The following SLCO1A2 variants were observed in gnomAD, a reference collection of about 807,000 sequenced individuals.
SLCO1A2 encodes solute carrier organic anion transporter family member 1A2.
In SLCO1A2, 67 loss-of-function variants were observed where a neutral mutation model predicts 69.0. That is an observed-to-expected ratio of 0.97 (90% confidence interval 0.80 to 1.19). The LOEUF (loss-of-function observed/expected upper bound fraction) is 1.19. Among genes scored for constraint, SLCO1A2 ranks in the 50% most tolerant of loss-of-function variants. The pLI is 0.00. For synonymous variants in SLCO1A2, 260 were observed against 265.9 expected (o/e 0.98, Z 0.22); for missense variants, 787 against 793.7 (o/e 0.99, Z 0.10).
chr12:21,269,571 C>T lies in SLCO1A2; in HGVS notation c.1990G>A (p.Asp664Asn), dbSNP rs1942415988. ...AATTACAATTTAGTTTTCAATTCAT[C>T]ATCTTTCAAAACCGTGGACTTTTGG... ...IYQKSTVLKD[D>N]ELKTKL Residue 664 changes from aspartate (D) to asparagine (N), a missense_variant, in exon 15 of 15, where the codon GAT (aspartate) becomes AAT (asparagine). Physicochemically the swap from Asp to Asn is conservative, Grantham distance 23 (BLOSUM62 1). Transcript: ENST00000683939. The T allele has an allele frequency of 6.2e-7, 1 of 1,611,026 alleles. No homozygotes were observed. The highest frequency in any genetic ancestry group is 1.1e-5 in the South Asian group (1 of 90,806).
intron 5 of SLCO1A2, 102 bp downstream of exon 5, chr12:21,306,780 G>T: frequency 2.9e-6 from 2 of 680,616 alleles, no homozygotes; most frequent in Admixed American, 2.6e-5. Context: ...ACATATCTTT[G>T]TTTATTTATC....
rs538665868 is a variant in SLCO1A2, at chr12:21,385,045, G to A, written c.-190+9861C>T. Among the ~76,000 whole-genome samples the A allele has an allele frequency of 1.6e-4, 24 of 152,244 alleles. No homozygotes were observed. In the South Asian group the frequency reaches 4.8e-3, roughly 30 times the overall value. On this transcript the variant is annotated intron_variant, in intron 1 of 15. Transcript: ENST00000307378. ...CTCCCAAAGTGCTGGGATTACAGGC[G>A]TGAACCACTTCGCCCGGCCAGATTT... is the stretch of plus-strand genomic sequence containing the variant.
intron 2 of SLCO1A2, among the ~76,000 whole-genome samples, chr12:21,344,033 A>G (rs992497628): frequency 6.6e-6 from 1 of 152,132 alleles, no homozygotes; most frequent in African/African-American, 2.4e-5. Context: ...TAAATATGAT[A>G]AAATTACTGA....
chr12:21,416,004 A>G (rs550939637), intron 1 of SLCO1A2, among the ~76,000 whole-genome samples: 6 of 152,228 alleles, frequency 3.9e-5, no homozygotes, highest in South Asian at 2.1e-4. Context: ...TGTGTTCATT[A>G]TGCAATTACT....
At chr12:21,286,793 A>G in intron 12 of SLCO1A2, among the ~76,000 whole-genome samples, 1 of 122,350 alleles carries the variant, frequency 8.2e-6, no homozygotes, top group Admixed American at 8.4e-5. Flanking sequence ...GTGCTGGGAA[A>G]ACTGGCTAGC....
intron 2 of SLCO1A2, among the ~76,000 whole-genome samples, chr12:21,359,603 C>T (rs1337833979): frequency 6.6e-6 from 1 of 152,100 alleles, no homozygotes; most frequent in Non-Finnish European, 1.5e-5. Flanking sequence ...TCTAATTAGC[C>T]AGGCATGGTG....
rs1229200829 is a variant in SLCO1A2, at chr12:21,334,616, T to C, written c.32A>G (p.His11Arg). Residue 11 changes from histidine (H) to arginine (R), a missense_variant, in exon 2 of 15, where the codon CAT (histidine) becomes CGT (arginine). Transcript: ENST00000683939. ...CAACTTGGAAAGACATCTTATTCTA[T>C]GGGTTTCAATTCTTTTCTCAGTTTC... MGETEKRIET[H>R]RIRCLSKLKM... 1.2e-6 allele frequency: 2 copies of C among 1,610,844 alleles called. No homozygotes were observed. Among genetic ancestry groups the C allele is most frequent in the Non-Finnish European group, 8.5e-7 (1 of 1,178,072 alleles).
intron 2 of SLCO1A2, among the ~76,000 whole-genome samples, chr12:21,360,357 A>C (rs1938738445): frequency 6.6e-6 from 1 of 152,246 alleles, no homozygotes; most frequent in South Asian, 2.1e-4. Context: ...CCAATATAAA[A>C]ATAAATAAAT....
At chr12:21,397,091 A>T (rs1425204064), upstream of SLCO1A2, among the ~76,000 whole-genome samples, 19 of 152,154 alleles carry the variant, frequency 1.2e-4, no homozygotes, top group South Asian at 2.1e-4. Flanking sequence ...TTGGATAAAG[A>T]GTCAAGACCC....
At chr12:21,353,107 T>C (rs991118222) in intron 2 of SLCO1A2, among the ~76,000 whole-genome samples, 4 of 152,202 alleles carry the variant, frequency 2.6e-5, no homozygotes, top group Non-Finnish European at 4.4e-5. Context: ...CTATACACAT[T>C]ACTGCTTAAA....
intron 2 of SLCO1A2, among the ~76,000 whole-genome samples, chr12:21,367,814 A>G (rs1023701741): frequency 6.6e-6 from 1 of 152,122 alleles, no homozygotes; most frequent in Non-Finnish European, 1.5e-5. Context: ...AATATGAAAA[A>G]GACAAAGGAA....
rs914349708 is a variant in SLCO1A2 at position 21,334,892 on chromosome 12, T to C, written c.-128A>G. ...AGAAGATTTAGTTGTTGGTTTTCTATTTCAAAAGGTACATCAAATAACTTT... is the reference window on the plus strand; with the variant it reads ...AGAAGATTTAGTTGTTGGTTTTCTACTTCAAAAGGTACATCAAATAACTTT... On this transcript the variant is annotated 5_prime_UTR_variant, in exon 1 of 15. Transcript: ENST00000683939. 2.5e-6 allele frequency: 1 copy of C among 395,240 alleles called. No individual in the cohort carries two copies. The highest frequency in any genetic ancestry group is 4.5e-6 in the Non-Finnish European group (1 of 222,998). The allele number at this position is 395,240 out of a possible 1,614,324, so 24.5% of individuals were successfully genotyped here. A position where few individuals can be genotyped will look rare whatever the true frequency, so the allele number is the denominator to read the frequency against.
In SLCO1A2 at chr12:21,361,127, G is replaced by A. The variant is rs564392799; in HGVS notation, c.-63+13272C>T. Among the ~76,000 whole-genome samples the A allele has an allele frequency of 5.3e-5, 8 of 151,794 alleles. No individual in the cohort carries two copies. In the East Asian group the frequency reaches 1.2e-3, roughly 22 times the overall value. On this transcript the variant is annotated intron_variant, in intron 2 of 15. Transcript: ENST00000307378. ...GACCCCTGAGTAGCCTAACTGGGAG[G>A]CACCTCCCAGTAGGGGCCGACAGAC...
intron 12 of SLCO1A2, among the ~76,000 whole-genome samples, chr12:21,286,339 A>T (rs1945788683): frequency 6.8e-6 from 1 of 147,684 alleles, no homozygotes; most frequent in Non-Finnish European, 1.5e-5. Context: ...ACTACAAACC[A>T]CTGCTCAAGG....
intron 12 of SLCO1A2, among the ~76,000 whole-genome samples, chr12:21,283,554 A>G (rs1002362179): frequency 7.5e-6 from 1 of 132,802 alleles, no homozygotes; most frequent in Non-Finnish European, 1.5e-5. Context: ...ATAACTAATG[A>G]AAAAAAAATG....
At chr12:21,406,389 T>A (rs1021030567) in intron 1 of SLCO1A2, among the ~76,000 whole-genome samples, 2 of 152,216 alleles carry the variant, frequency 1.3e-5, no homozygotes, top group Admixed American at 1.3e-4. Flanking sequence ...TGAAGCTCTA[T>A]GGACAAAACC....
intron 12 of SLCO1A2, among the ~76,000 whole-genome samples, chr12:21,282,938 A>C (rs1025889039): frequency 6.6e-6 from 1 of 152,066 alleles, no homozygotes; most frequent in South Asian, 2.1e-4. Flanking sequence ...ATACAAATAA[A>C]TGAAAATATA....
intron 1 of SLCO1A2, among the ~76,000 whole-genome samples, chr12:21,413,240 T>TTTTTC (rs1941939179): frequency 8.1e-6 from 1 of 124,160 alleles, no homozygotes; most frequent in African/African-American, 3.1e-5. Flanking sequence ...TCTTTTTCTT[T>TTTTTC]TTTTTTTTTT....
At chr12:21,298,561 A>T (rs1053537729) in intron 8 of SLCO1A2, among the ~76,000 whole-genome samples, 1 of 152,216 alleles carries the variant, frequency 6.6e-6, no homozygotes, top group Non-Finnish European at 1.5e-5. Flanking sequence ...GGACACACAG[A>T]TTAATGCAAG....
Sources: allele counts gnomAD v4.1 joint callset (sites outside exome capture counted in the v4.1 genomes callset), GRCh38; gene constraint gnomAD v4.1.1; transcripts MANE v1.5; gene names NCBI Gene and HGNC (gene_info 2026-07-23, HGNC 2026-07-21).